Variants in BCAP29 observed in about 807,000 individuals in gnomAD.
BCAP29 encodes B cell receptor associated protein 29.
Under a neutral mutation model 31.8 loss-of-function variants are expected in BCAP29, and 34 were observed. The observed-to-expected ratio is 1.07, with a 90% confidence interval of 0.81 to 1.42. The LOEUF is 1.42. Ranked by LOEUF, BCAP29 falls within the 40% of genes most tolerant of loss-of-function variation. The pLI is 0.00. For synonymous variants in BCAP29, 104 were observed against 91.3 expected, an observed-to-expected ratio of 1.14 and a Z score of -0.79; for missense variants, 314 against 269.2, an observed-to-expected ratio of 1.17 and a Z score of -1.16.
intron 3 of BCAP29, chr7:107,587,808 A>G (rs1807985539): frequency 6.6e-6 from 1 of 152,246 alleles, no homozygotes; most frequent in Non-Finnish European, 1.5e-5. Context: ...AAGTTATCAA[A>G]AAGGACCCCT....
At chr7:107,591,399 T>C (rs922007664) in intron 3 of BCAP29, among the ~76,000 whole-genome samples, 2 of 152,168 alleles carry the variant, frequency 1.3e-5, no homozygotes, top group Admixed American at 1.3e-4. Flanking sequence ...TCTAATCAGC[T>C]GAAAGCCTTA....
chr7:107,609,374 A>C (rs907028588), intron 6 of BCAP29, among the ~76,000 whole-genome samples: 1 of 152,202 alleles, frequency 6.6e-6, no homozygotes, highest in African/African-American at 2.4e-5. Flanking sequence ...CTTTGACAGC[A>C]TTATAGACAA....
rs1280056206 is a variant in BCAP29, at chr7:107,619,723, T to C, written c.*1360T>C. 2 of 152,116 alleles carry C rather than the reference T, an allele frequency of 1.3e-5. No individual in the cohort carries two copies. Among genetic ancestry groups the C allele is most frequent in the African/African-American group, 4.8e-5 (2 of 41,414 alleles). 9.4% of individuals were successfully genotyped at this position (152,116 alleles called of 1,614,324 possible). A position where few individuals can be genotyped will look rare whatever the true frequency, so the allele number is the denominator to read the frequency against. On this transcript the variant is annotated 3_prime_UTR_variant, in exon 8 of 8. Transcript: ENST00000005259. ...CTGAAATAGGAGAGAACAGAGCAAATGTTAGCTCAAAGTATAGACTTAGAA... is the reference window on the plus strand; with the variant it reads ...CTGAAATAGGAGAGAACAGAGCAAACGTTAGCTCAAAGTATAGACTTAGAA...
At chr7:107,595,593 T>A (rs1222313162) in intron 4 of BCAP29, among the ~76,000 whole-genome samples, 1 of 152,214 alleles carries the variant, frequency 6.6e-6, no homozygotes, top group Non-Finnish European at 1.5e-5. Flanking sequence ...TTCCTGTTTC[T>A]ATTCCTCCAA....
chr7:107,599,009 ATT>A (rs1810397941), intron 5 of BCAP29, among the ~76,000 whole-genome samples: 1 of 54,670 alleles, frequency 1.8e-5, no homozygotes, highest in Admixed American at 1.9e-4. Context: ...AGATCTACAA[ATT>A]TATATATATA....
downstream of BCAP29, chr7:107,622,153 C>T (rs1815031036): frequency 3.0e-6 from 1 of 336,032 alleles, no homozygotes. Context: ...ATGACGACCT[C>T]CTCATCTCCC....
intron 2 of BCAP29, among the ~76,000 whole-genome samples, chr7:107,583,325 G>A (rs914235944): frequency 2.6e-5 from 4 of 151,962 alleles, no homozygotes; most frequent in African/African-American, 9.7e-5. Context: ...TAGTGTGTGT[G>A]TGAAAATTAT....
chr7:107,599,270 ATT>A (rs1810613668), intron 5 of BCAP29, among the ~76,000 whole-genome samples: 1 of 121,336 alleles, frequency 8.2e-6, no homozygotes, highest in African/African-American at 3.5e-5. Context: ...TTATATATAT[ATT>A]TATATATAAT....
chr7:107,597,288 C>A (rs1810029797), intron 5 of BCAP29, among the ~76,000 whole-genome samples: 1 of 152,110 alleles, frequency 6.6e-6, no homozygotes, highest in African/African-American at 2.4e-5. Flanking sequence ...CCTCCCCAGA[C>A]TGATCTCAAA....
intron 3 of BCAP29, among the ~76,000 whole-genome samples, chr7:107,585,409 T>C (rs1339473646): frequency 6.6e-6 from 1 of 152,222 alleles, no homozygotes; most frequent in Non-Finnish European, 1.5e-5. Flanking sequence ...ATTAATGTTA[T>C]GGATTGAATC....
intron 6 of BCAP29, among the ~76,000 whole-genome samples, chr7:107,612,425 A>ATTTATT (rs1248269749): frequency 2.4e-4 from 8 of 33,540 alleles, no homozygotes; most frequent in African/African-American, 6.9e-4. Flanking sequence ...ATATATATAT[A>ATTTATT]TATATATATA....
chr7:107,608,511 C>T (rs1812573186), intron 6 of BCAP29, among the ~76,000 whole-genome samples: 1 of 151,964 alleles, frequency 6.6e-6, no homozygotes, highest in African/African-American at 2.4e-5. Context: ...CACTTCCTTA[C>T]TTTCTGGCAT....
At chr7:107,613,028 C>G (rs1039727923) in intron 6 of BCAP29, among the ~76,000 whole-genome samples, 4 of 152,104 alleles carry the variant, frequency 2.6e-5, no homozygotes, top group African/African-American at 9.7e-5. Context: ...GTATTGTATT[C>G]ATATTAAGTT....
At chr7:107,588,483 A>G (rs1047238681) in intron 3 of BCAP29, among the ~76,000 whole-genome samples, 6 of 152,224 alleles carry the variant, frequency 3.9e-5, no homozygotes, top group Admixed American at 2.0e-4. Flanking sequence ...AACGGGTTGT[A>G]TTAGACTATT....
At chr7:107,617,989 A>G (rs1355397401) in intron 7 of BCAP29, among the ~76,000 whole-genome samples, 1 of 152,178 alleles carries the variant, frequency 6.6e-6, no homozygotes, top group Non-Finnish European at 1.5e-5. Flanking sequence ...ACCCTAGCTG[A>G]GGTTTTTGTC....
At chr7:107,599,700 A>G (rs1342694238) in intron 5 of BCAP29, among the ~76,000 whole-genome samples, 1 of 152,056 alleles carries the variant, frequency 6.6e-6, no homozygotes, top group African/African-American at 2.4e-5. Flanking sequence ...TCTGTACACA[A>G]TACAGATGAT....
intron 3 of BCAP29, among the ~76,000 whole-genome samples, chr7:107,585,804 A>G (rs1187202699): frequency 6.6e-6 from 1 of 152,188 alleles, no homozygotes; most frequent in Non-Finnish European, 1.5e-5. Context: ...CAGCTTGGCC[A>G]ACGTGGTGAA....
intron 7 of BCAP29, among the ~76,000 whole-genome samples, chr7:107,614,679 T>G (rs1245864148): frequency 2.6e-5 from 4 of 152,178 alleles, no homozygotes; most frequent in African/African-American, 9.7e-5. Context: ...TCCCAGTTGG[T>G]TTGCATGTTT....
chr7:107,613,421 T>A lies in BCAP29; in HGVS notation c.679T>A (p.Ser227Thr). The change falls in exon 7 of 8, where the codon TCT becomes ACT. Residue 227 changes from serine (S) to threonine (T), a missense_variant. Ser to Thr is a moderately conservative substitution (Grantham distance 58). Transcript: ENST00000005259. ...ATATGATCAACTCCTGAAAGAACAC[T>A]CTGAACTTCAGGTGGGTGTGACATG... ...KEYDQLLKEHSELQDRLERGN... is the reference protein window; with the variant it reads ...KEYDQLLKEHTELQDRLERGN... 6.2e-7 allele frequency: 1 copy of A among 1,605,708 alleles called. No homozygotes were observed. The highest frequency in any genetic ancestry group is 8.5e-7 in the Non-Finnish European group (1 of 1,172,924).
Sources: allele counts gnomAD v4.1 joint callset (sites outside exome capture counted in the v4.1 genomes callset), GRCh38; gene constraint gnomAD v4.1.1; transcripts MANE v1.5; gene names NCBI Gene and HGNC (gene_info 2026-07-23, HGNC 2026-07-21).